RBM7: variants seen among roughly 807,000 people sequenced by gnomAD.
RBM7 encodes RNA-binding protein 7.
A neutral mutation model predicts 31.0 loss-of-function variants in RBM7; 13 were observed. The observed-to-expected ratio is 0.42, with a 90% confidence interval of 0.27 to 0.67. The LOEUF (loss-of-function observed/expected upper bound fraction) is 0.67, where lower values mean the gene tolerates loss of function less well. Among genes scored for constraint, RBM7 ranks in the 30% least tolerant of loss-of-function variants. The pLI, the probability that RBM7 is intolerant of heterozygous loss-of-function variation, is 0.24. For missense variants in RBM7, 245 were observed against 326.2 expected, an observed-to-expected ratio of 0.75 and a Z score of 1.92; for synonymous variants, 106 against 111.2, an observed-to-expected ratio of 0.95 and a Z score of 0.30.
At chr11:114,405,604 C>T in intron 3 of RBM7, 102 bp from the exon 4 acceptor site, 1 of 660,506 alleles carries the variant, frequency 1.5e-6, no homozygotes, top group Non-Finnish European at 2.4e-6. Context: ...AGATACCTTT[C>T]CTGTCTTGTT....
intron 4 of RBM7, 190 bp downstream of exon 4, chr11:114,405,989 G>A: frequency 2.0e-6 from 1 of 507,106 alleles, no homozygotes; most frequent in Non-Finnish European, 3.5e-6. Context: ...AGCATGATTT[G>A]TAGATTGAGC....
chr11:114,401,056 C>A (rs540771146), intron 1 of RBM7, among the ~76,000 whole-genome samples: 2 of 152,178 alleles, frequency 1.3e-5, no homozygotes, highest in African/African-American at 4.8e-5. Context: ...GTAGGGTCTT[C>A]GTTGAGCAGT....
chr11:114,405,100 C>A (rs1258575345), intron 3 of RBM7, among the ~76,000 whole-genome samples: 1 of 152,226 alleles, frequency 6.6e-6, no homozygotes, highest in Non-Finnish European at 1.5e-5. Context: ...TTTCTTCCCT[C>A]ATTCCACATA....
rs1946289032 is a variant in RBM7, at chr11:114,407,946, A to G, written c.*139A>G. 4.0e-6 allele frequency: 4 copies of G among 1,009,388 alleles called. No individual in the cohort carries two copies. Among genetic ancestry groups the G allele is most frequent in the African/African-American group, 1.6e-5 (1 of 61,434 alleles). 62.5% of individuals were successfully genotyped at this position (1,009,388 alleles called of 1,614,324 possible). ...TCTTTATAAATTTTTTTAAAGCTAC[A>G]GTTTAATACAAAATGAATTGCGGTT... On this transcript the variant is annotated 3_prime_UTR_variant, in exon 5 of 5. Transcript: ENST00000375490.
chr11:114,405,710 T>A lies in RBM7; in HGVS notation c.352T>A (p.Tyr118Asn), dbSNP rs528528235. 1 of 1,576,780 alleles carries A rather than the reference T, an allele frequency of 6.3e-7. No homozygotes were observed. The highest frequency in any genetic ancestry group is 2.3e-5 in the East Asian group (1 of 43,754). Residue 118 changes from tyrosine (Y) to asparagine (N), a missense_variant, in exon 4 of 5, where the codon TAC becomes AAC. By Grantham distance (143) the Tyr-to-Asn change is moderately radical (BLOSUM62 -2). Coordinates refer to ENST00000375490, the MANE Select transcript of RBM7 (RefSeq NM_001286045.2). Reference sequence around the variant, plus strand: ...ACATGTTGGTTTTCTTTTTAGCAGGTACGAAAGGACTATGGATAACATGAC... The same window carrying A: ...ACATGTTGGTTTTCTTTTTAGCAGGAACGAAAGGACTATGGATAACATGAC... ...SPTSTSPSSRYERTMDNMTSS... is the reference protein window; with the variant it reads ...SPTSTSPSSRNERTMDNMTSS...
intron 3 of RBM7, among the ~76,000 whole-genome samples, chr11:114,403,715 A>T (rs1341540114): frequency 6.6e-6 from 1 of 152,150 alleles, no homozygotes; most frequent in Non-Finnish European, 1.5e-5. Flanking sequence ...GATTATTTTT[A>T]TCTCTACCTC....
At position 114,407,849 on chromosome 11, in the gene RBM7, C is replaced by T. The variant is rs1215014186; in HGVS notation, c.*42C>T. 2.6e-6 allele frequency: 4 copies of T among 1,528,546 alleles called. No homozygotes were observed. Among genetic ancestry groups the T allele is most frequent in the Non-Finnish European group, 3.5e-6 (4 of 1,142,756 alleles). 94.7% of individuals were successfully genotyped at this position (1,528,546 alleles called of 1,614,324 possible). A position where few individuals can be genotyped will look rare whatever the true frequency, so the allele number is the denominator to read the frequency against. ...ATTGTTTTTATAGGGTCATTTTAGG[C>T]CCTTTGACTAAGTTGATATGGAAAT... is the stretch of plus-strand genomic sequence containing the variant. On this transcript the variant is annotated 3_prime_UTR_variant, in exon 5 of 5. Transcript: ENST00000375490.
chr11:114,406,142 T>C, intron 4 of RBM7: 1 of 166,764 alleles, frequency 6.0e-6, no homozygotes, highest in Non-Finnish European at 1.3e-5. Flanking sequence ...CTGAGTGACT[T>C]ATCATAAACT....
Position 114,408,430 on chromosome 11 carries a change from A to T in RBM7, c.*623A>T, listed in dbSNP as rs1591201185. On this transcript the variant is annotated 3_prime_UTR_variant, in exon 5 of 5. Coordinates refer to ENST00000375490, the MANE Select transcript of RBM7 (RefSeq NM_001286045.2). ...TTGTTCATTAAATCCCATTTGAGGT[A>T]TAAGTCACTCAGGAAGTTAAAATAT... The T allele has an allele frequency of 6.5e-6, 1 of 152,792 alleles. No individual in the cohort carries two copies. The highest frequency in any genetic ancestry group is 2.1e-4 in the South Asian group (1 of 4,838). The allele number at this position is 152,792 out of a possible 1,614,324, so 9.5% of individuals were successfully genotyped here.
At chr11:114,405,604 C>G (rs951035473) in intron 3 of RBM7, 102 bp from the exon 4 acceptor site, 3 of 660,388 alleles carry the variant, frequency 4.5e-6, no homozygotes, top group Non-Finnish European at 7.3e-6. Flanking sequence ...AGATACCTTT[C>G]CTGTCTTGTT....
intron 4 of RBM7, chr11:114,406,598 C>T (rs559291983): frequency 6.6e-6 from 1 of 152,320 alleles, no homozygotes; most frequent in South Asian, 2.1e-4. Context: ...TATTACAATT[C>T]TGTTTTGCTT....
rs1946289604 is a variant in RBM7, at chr11:114,408,021, T to G, written c.*214T>G. Reference sequence around the variant, plus strand: ...TCAGGGTTTTATGAAGAGGAAAGGGTTTTATGCAAAAGAAAGTGCTACAAT... The same window carrying G: ...TCAGGGTTTTATGAAGAGGAAAGGGGTTTATGCAAAAGAAAGTGCTACAAT... On this transcript the variant is annotated 3_prime_UTR_variant, in exon 5 of 5. Coordinates refer to ENST00000375490, the MANE Select transcript of RBM7 (RefSeq NM_001286045.2). 2.4e-6 allele frequency: 1 copy of G among 423,714 alleles called. No individual in the cohort carries two copies. The highest frequency in any genetic ancestry group is 2.0e-5 in the African/African-American group (1 of 49,610). The allele number at this position is 423,714 out of a possible 1,614,324, so 26.2% of individuals were successfully genotyped here.
At chr11:114,407,150 C>T (rs1371241588) in intron 4 of RBM7, 3 of 242,860 alleles carry the variant, frequency 1.2e-5, no homozygotes, top group African/African-American at 4.5e-5. Flanking sequence ...TTCATGAAAC[C>T]TTTCCTAATG....
At position 114,400,730 on chromosome 11, in the gene RBM7, A is replaced by C. The variant is rs958509263; in HGVS notation, c.59A>C (p.Lys20Thr). ...RTLFVGNLETKVTEELLFELF... is the reference protein window; with the variant it reads ...RTLFVGNLETTVTEELLFELF... The stretch of plus-strand genomic sequence containing the variant: ...CTCTTTGTGGGCAACCTTGAAACGA[A>C]AGTGACCGAGGAGCTCCTTTTCGAG... The change falls in exon 1 of 5, where the codon AAA becomes ACA. Residue 20 changes from lysine (K) to threonine (T), a missense_variant. Transcript: ENST00000375490. 3 of 1,614,166 alleles carry C rather than the reference A, an allele frequency of 1.9e-6. No homozygotes were observed. Among genetic ancestry groups the C allele is most frequent in the Non-Finnish European group, 2.5e-6 (3 of 1,180,024 alleles).
intron 2 of RBM7, among the ~76,000 whole-genome samples, chr11:114,402,408 TTTTTTTTTTTTTTG>T (rs1946216786): frequency 3.9e-5 from 4 of 102,748 alleles, no homozygotes; most frequent in East Asian, 3.5e-4. Flanking sequence ...TTTTTTTTTT[TTTTTTTTTTTTTTG>T]AGATGGAGTC....
rs938062765 is a variant in RBM7 at position 114,408,803 on chromosome 11, A to G, written c.*996A>G. The G allele has an allele frequency of 3.9e-5, 6 of 152,148 alleles. No individual in the cohort carries two copies. Among genetic ancestry groups the G allele is most frequent in the African/African-American group, 1.4e-4 (6 of 41,438 alleles). 9.4% of individuals were successfully genotyped at this position (152,148 alleles called of 1,614,324 possible). On this transcript the variant is annotated 3_prime_UTR_variant, in exon 5 of 5. Transcript: ENST00000375490. Reference sequence around the variant, plus strand: ...AAGCTTGTATTAAGATACTGTTTTCATTTCATTACAGAATTGTTTATAAAA... The same window carrying G: ...AAGCTTGTATTAAGATACTGTTTTCGTTTCATTACAGAATTGTTTATAAAA...
At chr11:114,402,703 C>G in intron 2 of RBM7, 125 bp from the exon 3 acceptor site, 2 of 819,544 alleles carry the variant, frequency 2.4e-6, no homozygotes, top group East Asian at 5.2e-5. Flanking sequence ...CCGCGCCCGG[C>G]CAGTAGTTTG....
intron 2 of RBM7, 188 bp downstream of exon 2, chr11:114,402,048 AT>A (rs2135349043): frequency 5.5e-6 from 3 of 548,586 alleles, no homozygotes; most frequent in Admixed American, 4.4e-5. Context: ...TGAAATTAGA[AT>A]TTCAAAACTG....
At chr11:114,400,815 A>G (rs368922060) in intron 1 of RBM7, 48 bp downstream of exon 1, 43 of 1,607,902 alleles carry the variant, frequency 2.7e-5, no homozygotes, top group Non-Finnish European at 1.4e-5. Context: ...CGTCTCGCCT[A>G]GGGCCTGGCC....
Sources: allele counts gnomAD v4.1 joint callset (sites outside exome capture counted in the v4.1 genomes callset), GRCh38; gene constraint gnomAD v4.1.1; transcripts MANE v1.5; gene names NCBI Gene and HGNC (gene_info 2026-07-23, HGNC 2026-07-21).